SFMBT1: variants seen among roughly 807,000 people sequenced by gnomAD.
SFMBT1 encodes Scm like with four mbt domains 1, also known as scm-like with four MBT domains protein 1.
A neutral mutation model predicts 108.7 loss-of-function variants in SFMBT1; 32 were observed. That is an observed-to-expected ratio of 0.29 (90% CI 0.22 to 0.40). The LOEUF (loss-of-function observed/expected upper bound fraction) is 0.40. Ranked by LOEUF, SFMBT1 falls within the 10% of genes least tolerant of loss-of-function variation. The probability of loss-of-function intolerance (pLI) is 1.00; values close to 1 mark genes in which losing one functional copy is unlikely to be tolerated. For synonymous variants in SFMBT1, 348 were observed against 369.5 expected (o/e 0.94, Z 0.67); for missense variants, 816 against 1,059.6 (o/e 0.77, Z 3.19).
chr3:53,008,295 C>T (rs1054589676), intron 1 of SFMBT1, among the ~76,000 whole-genome samples: 8 of 152,118 alleles, frequency 5.3e-5, no homozygotes, highest in Non-Finnish European at 7.3e-5. Flanking sequence ...GAGCATCAGG[C>T]GGACAACTCC....
intron 3 of SFMBT1, among the ~76,000 whole-genome samples, chr3:52,950,573 C>T (rs943978973): frequency 6.6e-6 from 1 of 152,148 alleles, no homozygotes; most frequent in Non-Finnish European, 1.5e-5. Flanking sequence ...CTCCCAGATT[C>T]AAGCAATTCT....
At chr3:52,925,938 G>GACTTA (rs1393972333) in intron 10 of SFMBT1, 93 bp downstream of exon 10, 19 of 1,154,652 alleles carry the variant, frequency 1.6e-5, no homozygotes, top group Admixed American at 2.5e-5. Flanking sequence ...TAAGTGAGAT[G>GACTTA]ATTATCTTCA....
At chr3:52,965,575 T>C (rs1030992291) in intron 2 of SFMBT1, among the ~76,000 whole-genome samples, 1 of 152,180 alleles carries the variant, frequency 6.6e-6, no homozygotes, top group Non-Finnish European at 1.5e-5. Flanking sequence ...AATTATTTTC[T>C]GAGAGCTGAA....
At chr3:52,973,144 G>A (rs534156094) in intron 1 of SFMBT1, among the ~76,000 whole-genome samples, 2 of 152,260 alleles carry the variant, frequency 1.3e-5, no homozygotes, top group East Asian at 3.9e-4. Flanking sequence ...TTGAGCCCAG[G>A]AGTCTGAGGT....
chr3:53,039,812 CT>C (rs996371974), intron 1 of SFMBT1, among the ~76,000 whole-genome samples: 15 of 151,480 alleles, frequency 9.9e-5, no homozygotes, highest in Non-Finnish European at 2.1e-4. Context: ...TTTTGGTATA[CT>C]TTTTTTTTAT....
chr3:52,963,092 C>T (rs1240934929), intron 2 of SFMBT1, among the ~76,000 whole-genome samples: 11 of 151,782 alleles, frequency 7.2e-5, no homozygotes, highest in East Asian at 2.0e-4. Flanking sequence ...CTCCTGGGTA[C>T]AAGAGGTTCT....
At chr3:52,986,381 T>C (rs949396647) in intron 1 of SFMBT1, among the ~76,000 whole-genome samples, 7 of 152,194 alleles carry the variant, frequency 4.6e-5, no homozygotes, top group Non-Finnish European at 7.3e-5. Flanking sequence ...CTTAGCTTAC[T>C]GTAACTTTAT....
intron 2 of SFMBT1, among the ~76,000 whole-genome samples, chr3:52,955,827 G>A (rs72961733): frequency 0.03 from 4,616 of 152,208 alleles, 273 homozygotes; most frequent in African/African-American, 0.1. Context: ...AACTGAAAAT[G>A]AGGCACTCCT....
chr3:52,919,944 G>A (rs1399324110), intron 12 of SFMBT1, among the ~76,000 whole-genome samples: 1 of 152,240 alleles, frequency 6.6e-6, no homozygotes, highest in East Asian at 1.9e-4. Flanking sequence ...CCTTTGGAAG[G>A]TGATCATGTC....
intron 2 of SFMBT1, among the ~76,000 whole-genome samples, chr3:52,957,800 A>G (rs1382274025): frequency 6.6e-6 from 1 of 152,224 alleles, no homozygotes; most frequent in African/African-American, 2.4e-5. Context: ...ACCTAATACA[A>G]AAATTAACTC....
At chr3:53,039,186 G>A (rs988527675) in intron 1 of SFMBT1, among the ~76,000 whole-genome samples, 6 of 152,110 alleles carry the variant, frequency 3.9e-5, no homozygotes, top group African/African-American at 1.2e-4. Flanking sequence ...GGGCACATAC[G>A]GAGTTCTTCC....
chr3:52,905,010 CAA>C lies in SFMBT1; in HGVS notation c.*124_*125del. ...TGTGAGTCCTCCTTCCCCGAAAGTG[CAA>C]AGAGAGCAAGCTGATACCTGCAGGC... On this transcript the variant is annotated 3_prime_UTR_variant, in exon 21 of 21. Transcript: ENST00000394752. 7.5e-7 allele frequency: 1 copy of C among 1,326,730 alleles called. No individual in the cohort carries two copies. 82.2% of individuals were successfully genotyped at this position (1,326,730 alleles called of 1,614,324 possible). A position where few individuals can be genotyped will look rare whatever the true frequency, so the allele number is the denominator to read the frequency against.
intron 10 of SFMBT1, among the ~76,000 whole-genome samples, chr3:52,922,881 C>A (rs1702559004): frequency 6.6e-6 from 1 of 152,144 alleles, no homozygotes; most frequent in African/African-American, 2.4e-5. Flanking sequence ...AGAGGCCCAG[C>A]CCTCCGCCTC....
At chr3:52,941,654 C>T (rs978291242) in intron 4 of SFMBT1, among the ~76,000 whole-genome samples, 3 of 144,106 alleles carry the variant, frequency 2.1e-5, no homozygotes, top group Admixed American at 7.1e-5. Context: ...TGCCTGTAAT[C>T]CCAACACTTT....
intron 10 of SFMBT1, among the ~76,000 whole-genome samples, chr3:52,925,197 G>C (rs1559512544): frequency 6.6e-6 from 1 of 152,130 alleles, no homozygotes; most frequent in African/African-American, 2.4e-5. Flanking sequence ...CTCCAGCCTG[G>C]GTGACAGAGC....
At chr3:52,909,199 A>G (rs1702155488) in intron 17 of SFMBT1, among the ~76,000 whole-genome samples, 1 of 152,382 alleles carries the variant, frequency 6.6e-6, no homozygotes, top group Admixed American at 6.5e-5. Context: ...AATTTCAACT[A>G]TATTATTGTG....
chr3:52,984,203 T>A (rs1704823194), intron 1 of SFMBT1, among the ~76,000 whole-genome samples: 1 of 152,180 alleles, frequency 6.6e-6, no homozygotes. Flanking sequence ...TGAGCTTCAG[T>A]GCAAAATAGG....
rs1413520569 is a variant in SFMBT1, at chr3:52,951,392, T to C, written c.123+2925A>G. 2.6e-5 allele frequency among the ~76,000 whole-genome samples: 4 copies of C among 151,966 alleles called. No individual in the cohort carries two copies. The East Asian group carries it at 7.7e-4, about 29-fold the overall frequency. The stretch of plus-strand genomic sequence containing the variant: ...AGGGATTCTGTCACCAGTAGACCTG[T>C]CTTGCAAGAAATATTAAAAGAAATT... On this transcript the variant is annotated intron_variant, in intron 3 of 20. Coordinates refer to ENST00000394752, the MANE Select transcript of SFMBT1 (RefSeq NM_016329.4).
chr3:53,039,504 T>C (rs1383728850), intron 1 of SFMBT1, among the ~76,000 whole-genome samples: 1 of 152,112 alleles, frequency 6.6e-6, no homozygotes. Context: ...AGAGTTCCAG[T>C]CTGGGAAGAT....
Sources: gnomAD v4.1 joint callset for allele counts (sites outside exome capture counted in the v4.1 genomes callset) on GRCh38, gnomAD v4.1.1 for gene constraint, MANE v1.5 for transcripts, NCBI Gene and HGNC (gene_info 2026-07-23, HGNC 2026-07-21) for gene names.